The following FAM177A1 variants were observed in gnomAD, a reference collection of about 807,000 sequenced individuals.
FAM177A1 encodes the protein family with sequence similarity 177 member A1, also known as protein FAM177A1.
In FAM177A1, 22 loss-of-function variants were observed where a neutral mutation model predicts 26.1. The observed-to-expected ratio is 0.84, with a 90% CI of 0.60 to 1.20. The LOEUF (loss-of-function observed/expected upper bound fraction) is 1.20, where lower values mean the gene tolerates loss of function less well. Ranked by LOEUF, FAM177A1 falls within the 50% of genes most tolerant of loss-of-function variation. The pLI, the probability that FAM177A1 is intolerant of heterozygous loss-of-function variation, is 0.00. For missense variants in FAM177A1, 296 were observed against 291.1 expected (o/e 1.02, Z -0.12); for synonymous variants, 95 against 99.3 (o/e 0.96, Z 0.26).
Position 35,046,601 on chromosome 14 carries a change from C to T in FAM177A1, c.138C>T (p.Ala46=), listed in dbSNP as rs201181123. 2 of 1,551,986 alleles carry T rather than the reference C, an allele frequency of 1.3e-6. No homozygotes were observed. The highest frequency in any genetic ancestry group is 2.7e-5 in the African/African-American group (2 of 72,984). ...TCGCAGCCTCGGGAGCTGCGGCCGC[C>T]GCGGCATTCGGGGAATCTGCAGGGC... ...EAVAASGAAA[A]AAFGESAGQM... is the part of the protein sequence containing the mutation. The change falls in exon 1 of 5, where the codon GCC becomes GCT. Residue 46 remains alanine (A), a synonymous_variant. Coordinates refer to ENST00000280987, the MANE Select transcript of FAM177A1 (RefSeq NM_173607.5).
At chr14:35,056,506 C>T (rs1010282310) in intron 2 of FAM177A1, among the ~76,000 whole-genome samples, 5 of 152,054 alleles carry the variant, frequency 3.3e-5, no homozygotes, top group Non-Finnish European at 7.4e-5. Flanking sequence ...CAGGCACATG[C>T]CACAACGTCT....
Position 35,053,272 on chromosome 14 carries a change from A to T in FAM177A1, c.166-6A>T. 1 of 1,605,320 alleles carries T rather than the reference A, an allele frequency of 6.2e-7. No homozygotes were observed. Among genetic ancestry groups the T allele is most frequent in the Non-Finnish European group, 8.5e-7 (1 of 1,177,564 alleles). ...AACTCATTTTCTTAAAATATCGTTG[A>T]TATAGATGAGTAACGAAAGAGGCTT... On this transcript the variant is annotated splice_region_variant and splice_polypyrimidine_tract_variant and intron_variant, in intron 1 of 4. Transcript: ENST00000280987.
intron 2 of FAM177A1, among the ~76,000 whole-genome samples, chr14:35,066,902 T>C (rs2045249027): frequency 6.6e-6 from 1 of 150,840 alleles, no homozygotes; most frequent in African/African-American, 2.4e-5. Context: ...AAAGCGATTC[T>C]CCTATCTCAG....
At chr14:35,060,533 G>T (rs1175041031) in intron 2 of FAM177A1, among the ~76,000 whole-genome samples, 1 of 150,576 alleles carries the variant, frequency 6.6e-6, no homozygotes, top group Non-Finnish European at 1.5e-5. Context: ...ATAATTTTTT[G>T]TTGGAAACTA....
chr14:35,071,255 C>A (rs1431354414), intron 2 of FAM177A1, among the ~76,000 whole-genome samples: 3 of 152,028 alleles, frequency 2.0e-5, no homozygotes, highest in Non-Finnish European at 4.4e-5. Flanking sequence ...CCTCGGCCTC[C>A]CAAAGTGCTG....
intron 1 of FAM177A1, among the ~76,000 whole-genome samples, chr14:35,048,379 T>C (rs2044908769): frequency 6.6e-6 from 1 of 152,076 alleles, no homozygotes; most frequent in Non-Finnish European, 1.5e-5. Flanking sequence ...ATTCTGTTGT[T>C]TTCACATTCT....
chr14:35,048,215 T>C (rs539424842), intron 1 of FAM177A1, among the ~76,000 whole-genome samples: 38 of 152,362 alleles, frequency 2.5e-4, no homozygotes, highest in African/African-American at 8.4e-4. Context: ...GTGCTTGATA[T>C]GTTTTTCAAT....
chr14:35,053,532 A>G (rs2045011622), intron 2 of FAM177A1, 81 bp downstream of exon 2: 1 of 1,288,012 alleles, frequency 7.8e-7, no homozygotes. Flanking sequence ...AGTGGAAGGG[A>G]CCTTTTGAGG....
intron 2 of FAM177A1, among the ~76,000 whole-genome samples, chr14:35,054,352 G>A (rs1422597747): frequency 6.6e-6 from 1 of 152,124 alleles, no homozygotes; most frequent in Non-Finnish European, 1.5e-5. Context: ...GTACAATTAT[G>A]AGACTAGCTA....
intron 2 of FAM177A1, among the ~76,000 whole-genome samples, chr14:35,067,321 T>C (rs1566672281): frequency 6.6e-6 from 1 of 152,214 alleles, no homozygotes; most frequent in African/African-American, 2.4e-5. Flanking sequence ...AGTAGCATAA[T>C]GTCCTCCAGG....
intron 2 of FAM177A1, among the ~76,000 whole-genome samples, chr14:35,062,073 C>T (rs1261125758): frequency 6.6e-6 from 1 of 152,190 alleles, no homozygotes; most frequent in African/African-American, 2.4e-5. Context: ...TTGGCTGTAC[C>T]AGTCTGAAGT....
intron 2 of FAM177A1, among the ~76,000 whole-genome samples, chr14:35,072,146 G>A (rs7160160): frequency 0.18 from 26,641 of 151,968 alleles, 2,502 homozygotes; most frequent in East Asian, 0.37. Flanking sequence ...GTGGTGTTGG[G>A]CACCTGTAGT....
intron 2 of FAM177A1, among the ~76,000 whole-genome samples, chr14:35,067,671 A>G (rs55791227): frequency 0.16 from 24,147 of 152,134 alleles, 2,099 homozygotes; most frequent in Middle Eastern, 0.22. Flanking sequence ...CCTTTTCTCT[A>G]CATCCTTGCC....
chr14:35,070,114 CAAAAAAAAAAAAAAAAAAA>C lies in FAM177A1; in HGVS notation c.340-7018_340-7000del, dbSNP rs746133319. Among the ~76,000 whole-genome samples the C allele has an allele frequency of 1.4e-3, 74 of 53,856 alleles. 1 individual carries two copies. The highest frequency in any genetic ancestry group is 5.1e-3 in the Admixed American group (18 of 3,560). The allele number at this position is 53,856 out of a possible 152,430, so 35.3% of individuals were successfully genotyped here. A position where few individuals can be genotyped will look rare whatever the true frequency, so the allele number is the denominator to read the frequency against. ...TGGGCGACAGAGTGAGACTCTGTCT[CAAAAAAAAAAAAAAAAAAA>C]AAAAAAAAAAAAAAAAAGAAGTGAA... is the stretch of plus-strand genomic sequence containing the variant. On this transcript the variant is annotated intron_variant, in intron 2 of 4. Coordinates refer to ENST00000280987, the MANE Select transcript of FAM177A1 (RefSeq NM_173607.5).
At chr14:35,080,373 A>G (rs1245234543) in intron 4 of FAM177A1, among the ~76,000 whole-genome samples, 2 of 152,188 alleles carry the variant, frequency 1.3e-5, no homozygotes, top group East Asian at 3.8e-4. Context: ...CTGACACCCT[A>G]CAATTGAAGT....
chr14:35,067,333 T>G (rs2045255428), intron 2 of FAM177A1, among the ~76,000 whole-genome samples: 1 of 152,230 alleles, frequency 6.6e-6, no homozygotes, highest in Admixed American at 6.5e-5. Flanking sequence ...TCCTCCAGGT[T>G]CATCCACGTT....
rs143699215 is a variant in FAM177A1, at chr14:35,079,174, A to G, written c.504+150A>G. On this transcript the variant is annotated intron_variant, in intron 4 of 4. Coordinates refer to ENST00000280987, the MANE Select transcript of FAM177A1 (RefSeq NM_173607.5). ...CTAGAATCATTAATTTCTTTTATCA[A>G]AGTAACATACATTTTGGAATTCCTT... The G allele has an allele frequency of 1.2e-3, 695 of 591,798 alleles. 8 individuals carry two copies. The East Asian group carries it at 0.016, about 14-fold the overall frequency. 36.7% of individuals were successfully genotyped at this position (591,798 alleles called of 1,614,324 possible). A position where few individuals can be genotyped will look rare whatever the true frequency, so the allele number is the denominator to read the frequency against.
intron 2 of FAM177A1, among the ~76,000 whole-genome samples, chr14:35,075,310 A>C (rs1340247911): frequency 6.6e-6 from 1 of 152,204 alleles, no homozygotes; most frequent in Non-Finnish European, 1.5e-5. Flanking sequence ...TCTATGGTCT[A>C]GTCCTTTTTT....
In FAM177A1 at chr14:35,046,845, G is replaced by A. The variant is rs890799646; in HGVS notation, c.165+217G>A. On this transcript the variant is annotated intron_variant, in intron 1 of 4. Transcript: ENST00000280987. ...CAACCCCTTGGCTGGCAGCACAGCA[G>A]ACTCTGGGGCGGCCTCGGGTTCCTG... 3.0e-6 allele frequency: 4 copies of A among 1,355,836 alleles called. No homozygotes were observed. The African/African-American group carries it at 6.1e-5, about 21-fold the overall frequency. 84.0% of individuals were successfully genotyped at this position (1,355,836 alleles called of 1,614,324 possible).
Sources: gnomAD v4.1 joint callset for allele counts (sites outside exome capture counted in the v4.1 genomes callset) on GRCh38, gnomAD v4.1.1 for gene constraint, MANE v1.5 for transcripts, NCBI Gene and HGNC (gene_info 2026-07-23, HGNC 2026-07-21) for gene names.